The following SPICE1 variants were observed in gnomAD, a reference collection of about 807,000 sequenced individuals.
The protein encoded by SPICE1 is spindle and centriole-associated protein 1.
A neutral mutation model predicts 102.7 loss-of-function variants in SPICE1; 75 were observed. The ratio of observed to expected loss-of-function variants is 0.73; its 90% CI spans 0.61 to 0.88. SPICE1 has a LOEUF of 0.88. Ranked by LOEUF, SPICE1 falls within the 40% of genes least tolerant of loss-of-function variation. The pLI is 0.00. For missense variants in SPICE1, 979 were observed against 1,020.1 expected (o/e 0.96, Z 0.55); for synonymous variants, 308 against 350.3 (o/e 0.88, Z 1.35).
chr3:113,449,367 T>C (rs1935593417), intron 15 of SPICE1: 1 of 152,168 alleles, frequency 6.6e-6, no homozygotes, highest in African/African-American at 2.4e-5. Context: ...TGTTCATATA[T>C]AGTTAATTGA....
At chr3:113,464,699 T>A (rs1936011089) in intron 11 of SPICE1, among the ~76,000 whole-genome samples, 1 of 152,076 alleles carries the variant, frequency 6.6e-6, no homozygotes, top group African/African-American at 2.4e-5. Flanking sequence ...ACAAAAAAGA[T>A]GAATAAAATA....
At position 113,506,542 on chromosome 3, in the gene SPICE1, T is replaced by C. The variant is rs1164977828; in HGVS notation, c.64A>G (p.Lys22Glu). The change falls in exon 2 of 18, where the codon AAG becomes GAG. Residue 22 changes from lysine to glutamate, a missense_variant. Transcript: ENST00000295872. ...RVGVRKTPKV[K>E]KKKTSVKQEW... The stretch of plus-strand genomic sequence containing the variant: ...TGTTTCACTGAAGTTTTCTTCTTCT[T>C]TACTTTCGGTGTCTTTCTTACACCA... The C allele has an allele frequency of 1.9e-6, 3 of 1,613,598 alleles. No homozygotes were observed. Among genetic ancestry groups the C allele is most frequent in the Non-Finnish European group, 2.5e-6 (3 of 1,179,878 alleles).
At chr3:113,509,145 C>T (rs549872399) in intron 1 of SPICE1, among the ~76,000 whole-genome samples, 135 of 152,154 alleles carry the variant, frequency 8.9e-4, no homozygotes, top group South Asian at 5.0e-3. Context: ...AGAAAATGTT[C>T]TGAAATTAGA....
intron 1 of SPICE1, among the ~76,000 whole-genome samples, chr3:113,507,030 C>CTT (rs1360661675): frequency 6.6e-6 from 1 of 152,088 alleles, no homozygotes; most frequent in Non-Finnish European, 1.5e-5. Context: ...TTTAAGCACT[C>CTT]TAACACTCAA....
chr3:113,457,779 C>A (rs1156467011), intron 12 of SPICE1, among the ~76,000 whole-genome samples: 1 of 152,150 alleles, frequency 6.6e-6, no homozygotes, highest in Non-Finnish European at 1.5e-5. Flanking sequence ...CCACCTCAGC[C>A]TCCCGAGTAG....
intron 4 of SPICE1, among the ~76,000 whole-genome samples, chr3:113,496,364 C>A (rs1419049267): frequency 6.6e-6 from 1 of 151,884 alleles, no homozygotes; most frequent in African/African-American, 2.4e-5. Flanking sequence ...AGAGCACAAA[C>A]TTAAACCTGT....
rs1011888090 is a variant in SPICE1, at chr3:113,444,155, A to G, written c.*1152T>C. The G allele has an allele frequency of 3.9e-5, 6 of 152,006 alleles. No individual in the cohort carries two copies. The highest frequency in any genetic ancestry group is 1.5e-4 in the African/African-American group (6 of 41,366). 9.4% of individuals were successfully genotyped at this position (152,006 alleles called of 1,614,324 possible). On this transcript the variant is annotated 3_prime_UTR_variant, in exon 18 of 18. Coordinates refer to ENST00000295872, the MANE Select transcript of SPICE1 (RefSeq NM_144718.4). Reference sequence around the variant, plus strand: ...GCCAGGGAGCAGAGATCATTCAAAAAACAAGTTTAAAATAGAAATAAACAT... The same window carrying G: ...GCCAGGGAGCAGAGATCATTCAAAAGACAAGTTTAAAATAGAAATAAACAT...
At chr3:113,458,717 G>T (rs1424357241) in intron 12 of SPICE1, among the ~76,000 whole-genome samples, 1 of 151,158 alleles carries the variant, frequency 6.6e-6, no homozygotes, top group Non-Finnish European at 1.5e-5. Flanking sequence ...CGCCCAGTCT[G>T]GGAAGTGAGG....
At chr3:113,503,884 G>C (rs1156438657) in intron 2 of SPICE1, among the ~76,000 whole-genome samples, 2 of 130,106 alleles carry the variant, frequency 1.5e-5, no homozygotes, top group African/African-American at 5.5e-5. Flanking sequence ...AGTGAGCCAA[G>C]ATTGTGCCAC....
rs560292182 is a variant in SPICE1 at position 113,492,844 on chromosome 3, G to T, written c.492+362C>A. Among the ~76,000 whole-genome samples, 6 of 152,264 alleles carry T rather than the reference G, an allele frequency of 3.9e-5. No homozygotes were observed. The South Asian group carries it at 1.2e-3, about 32-fold the overall frequency. ...AAAGACTCCCTGCTGTCTCCATAATGATCGATGGTGGCAGTCTTGTTGAGC... is the reference window on the plus strand; with the variant it reads ...AAAGACTCCCTGCTGTCTCCATAATTATCGATGGTGGCAGTCTTGTTGAGC... On this transcript the variant is annotated intron_variant, in intron 6 of 17. Transcript: ENST00000295872.
At chr3:113,484,577 G>A (rs1339081235) in intron 7 of SPICE1, among the ~76,000 whole-genome samples, 1 of 152,092 alleles carries the variant, frequency 6.6e-6, no homozygotes, top group Non-Finnish European at 1.5e-5. Flanking sequence ...GGTATGTTGT[G>A]TCTTTGTTCT....
intron 5 of SPICE1, 40 bp downstream of exon 5, chr3:113,494,009 C>G (rs1055587401): frequency 7.4e-7 from 1 of 1,356,154 alleles, no homozygotes; most frequent in Non-Finnish European, 1.0e-6. Flanking sequence ...CTGTGGGCTA[C>G]AGTTAATAAA....
At chr3:113,498,274 CA>C (rs1330467937) in intron 4 of SPICE1, among the ~76,000 whole-genome samples, 2 of 152,142 alleles carry the variant, frequency 1.3e-5, no homozygotes, top group African/African-American at 2.4e-5. Flanking sequence ...AGCAGATCTA[CA>C]AAAAGAAGGC....
At position 113,446,007 on chromosome 3, in the gene SPICE1, T is replaced by G. The variant is rs1364269098; in HGVS notation, c.2514+582A>C. ...TCAAAGGAACTATATTTTACTGTAC[T>G]AGCACCACAGAAAAAATGCCTTCTG... On this transcript the variant is annotated intron_variant, in intron 17 of 17. Transcript: ENST00000295872. Among the ~76,000 whole-genome samples the G allele has an allele frequency of 3.9e-5, 6 of 152,348 alleles. No individual in the cohort carries two copies. The South Asian group carries it at 1.2e-3, about 32-fold the overall frequency.
chr3:113,464,509 G>C lies in SPICE1; in HGVS notation c.1287+1144C>G, dbSNP rs76580610. On this transcript the variant is annotated intron_variant, in intron 11 of 17. Transcript: ENST00000295872. ...GGCCTCAAGTGATCTTCCCACCTTG[G>C]CACCCAAAATGTGGGGATTAAAGGT... is the stretch of plus-strand genomic sequence containing the variant. 7.8e-4 allele frequency among the ~76,000 whole-genome samples: 119 copies of C among 152,132 alleles called. 3 individuals are homozygous for C. In the East Asian group the frequency reaches 0.02, roughly 26 times the overall value.
rs2107464828 is a variant in SPICE1, at chr3:113,469,209, A to G, written c.641T>C (p.Phe214Ser). ...AGTCCACAACTTACTAATTAACTCA[A>G]AATTCTCTTCTGTTAGTTGTTGGAG... ...RFLQQLTEEN[F>S]ELISKLWTDI... Residue 214 changes from phenylalanine (F) to serine (S), a missense_variant, in exon 8 of 18, where the codon TTT becomes TCT. Physicochemically the swap from Phe to Ser is radical, Grantham distance 155. Transcript: ENST00000295872. 4 of 1,592,156 alleles carry G rather than the reference A, an allele frequency of 2.5e-6. No individual in the cohort carries two copies. The highest frequency in any genetic ancestry group is 2.6e-6 in the Non-Finnish European group (3 of 1,168,418).
chr3:113,477,967 G>GA (rs200944027), intron 7 of SPICE1, among the ~76,000 whole-genome samples: 27 of 146,492 alleles, frequency 1.8e-4, no homozygotes, highest in African/African-American at 6.3e-4. Flanking sequence ...AGAATCTGCC[G>GA]AAAAAAAAGC....
chr3:113,449,058 T>C (rs1935582077), intron 15 of SPICE1: 1 of 152,218 alleles, frequency 6.6e-6, no homozygotes, highest in African/African-American at 2.4e-5. Context: ...ATTAGCCCTG[T>C]CTCCTCTTAA....
chr3:113,500,868 T>G (rs987616253), intron 3 of SPICE1, among the ~76,000 whole-genome samples: 1 of 152,188 alleles, frequency 6.6e-6, no homozygotes, highest in Admixed American at 6.5e-5. Context: ...TCAAAAGCAT[T>G]AACAATCTGC....
Sources: gnomAD v4.1 joint callset for allele counts (sites outside exome capture counted in the v4.1 genomes callset) on GRCh38, gnomAD v4.1.1 for gene constraint, MANE v1.5 for transcripts, NCBI Gene and HGNC (gene_info 2026-07-23, HGNC 2026-07-21) for gene names.